The following SDK1 variants were observed in gnomAD, a reference collection of about 807,000 sequenced individuals.
SDK1 encodes sidekick cell adhesion molecule 1, also known as protein sidekick-1.
SDK1 carries 157 observed loss-of-function variants against 245.5 expected under a neutral mutation model. That is an observed-to-expected ratio of 0.64 (90% confidence interval 0.56 to 0.73). The LOEUF is 0.73. SDK1 is among the 30% of genes least tolerant of loss of function. The probability of loss-of-function intolerance (pLI) is 0.00; values close to 1 mark genes in which losing one functional copy is unlikely to be tolerated. For missense variants in SDK1, 3,583 were observed against 3,002.3 expected (o/e 1.19, Z -4.52); for synonymous variants, 1,647 against 1,278.5 (o/e 1.29, Z -6.15).
chr7:4,036,151 A>C (rs1284312526), intron 17 of SDK1, among the ~76,000 whole-genome samples: 1 of 152,226 alleles, frequency 6.6e-6, no homozygotes, highest in Non-Finnish European at 1.5e-5. Flanking sequence ...AGCTTCTGCC[A>C]AAGTAGGAGG....
intron 1 of SDK1, among the ~76,000 whole-genome samples, chr7:3,439,248 T>G (rs1388658954): frequency 6.6e-6 from 1 of 152,184 alleles, no homozygotes; most frequent in African/African-American, 2.4e-5. Flanking sequence ...TTTAGATAAA[T>G]AAACTCTTTT....
At chr7:3,486,240 T>G (rs1022420414) in intron 1 of SDK1, among the ~76,000 whole-genome samples, 7 of 151,016 alleles carry the variant, frequency 4.6e-5, no homozygotes, top group African/African-American at 1.7e-4. Context: ...GAGTTAAATT[T>G]TAAATCTTTA....
chr7:3,971,151 C>G (rs1323642148), intron 11 of SDK1, among the ~76,000 whole-genome samples: 1 of 152,020 alleles, frequency 6.6e-6, no homozygotes, highest in Non-Finnish European at 1.5e-5. Flanking sequence ...GGGAGAGAAT[C>G]TAGGTTTTAT....
intron 1 of SDK1, among the ~76,000 whole-genome samples, chr7:3,492,543 A>G (rs991557372): frequency 3.3e-5 from 5 of 152,240 alleles, no homozygotes; most frequent in Admixed American, 6.5e-5. Flanking sequence ...GATGTCAGTG[A>G]AATTGGGGGA....
Position 4,053,465 on chromosome 7 carries a change from A to G in SDK1, c.2911+1635A>G, listed in dbSNP as rs563248689. 4.6e-5 allele frequency among the ~76,000 whole-genome samples: 7 copies of G among 151,788 alleles called. No individual in the cohort carries two copies. The East Asian group carries it at 1.4e-3, about 30-fold the overall frequency. ...CTTCATGGCGCTATTACTTCTTCCA[A>G]TCTTTTTACTATTGGATCCTTTCCC... On this transcript the variant is annotated intron_variant, in intron 19 of 44. Coordinates refer to ENST00000404826, the MANE Select transcript of SDK1 (RefSeq NM_152744.4).
intron 4 of SDK1, among the ~76,000 whole-genome samples, chr7:3,687,692 G>A (rs991283893): frequency 3.3e-5 from 5 of 152,150 alleles, no homozygotes; most frequent in African/African-American, 1.2e-4. Context: ...GTGGAGAACA[G>A]ACTAGAAGTC....
At chr7:3,433,516 T>G (rs532179966) in intron 1 of SDK1, among the ~76,000 whole-genome samples, 6 of 152,098 alleles carry the variant, frequency 3.9e-5, no homozygotes, top group Non-Finnish European at 5.9e-5. Flanking sequence ...CATCTCCTCC[T>G]TTTTCTCTTT....
At chr7:3,748,391 C>A (rs1022173577) in intron 4 of SDK1, among the ~76,000 whole-genome samples, 8 of 152,172 alleles carry the variant, frequency 5.3e-5, no homozygotes, top group African/African-American at 1.9e-4. Flanking sequence ...TATCTTGGAA[C>A]ATTTCATTGA....
At chr7:3,776,689 A>C (rs943543451) in intron 4 of SDK1, among the ~76,000 whole-genome samples, 8 of 152,164 alleles carry the variant, frequency 5.3e-5, no homozygotes, top group Non-Finnish European at 1.2e-4. Context: ...TAGGAAAAAG[A>C]AAAGAAGATA....
At chr7:3,844,380 C>T (rs1780227073) in intron 5 of SDK1, among the ~76,000 whole-genome samples, 1 of 152,180 alleles carries the variant, frequency 6.6e-6, no homozygotes, top group Non-Finnish European at 1.5e-5. Context: ...GAATTGCTTA[C>T]ACAGACAGGT....
intron 28 of SDK1, among the ~76,000 whole-genome samples, chr7:4,138,947 T>G (rs1779277445): frequency 6.6e-6 from 1 of 152,204 alleles, no homozygotes; most frequent in Admixed American, 6.5e-5. Context: ...TTTCTGTGGC[T>G]GCCGGAGCCT....
At chr7:3,820,971 T>G (rs546509902) in intron 4 of SDK1, among the ~76,000 whole-genome samples, 49 of 152,240 alleles carry the variant, frequency 3.2e-4, no homozygotes, top group African/African-American at 7.2e-5. Context: ...TTGGCGACTT[T>G]CCTTCTACGC....
chr7:3,605,726 T>A (rs1270777016), intron 1 of SDK1, among the ~76,000 whole-genome samples: 1 of 152,242 alleles, frequency 6.6e-6, no homozygotes, highest in Non-Finnish European at 1.5e-5. Context: ...TTAAAATGTT[T>A]CAGAGTAAAA....
intron 4 of SDK1, among the ~76,000 whole-genome samples, chr7:3,805,745 G>A (rs1779225103): frequency 1.3e-5 from 2 of 151,928 alleles, no homozygotes; most frequent in African/African-American, 4.8e-5. Flanking sequence ...TTTGCTTGGT[G>A]GCCAAACCAA....
intron 4 of SDK1, among the ~76,000 whole-genome samples, chr7:3,796,458 G>A (rs61676577): frequency 0.073 from 11,039 of 152,212 alleles, 489 homozygotes; most frequent in African/African-American, 0.11. Flanking sequence ...CAAGGGCAGG[G>A]CGACCCCTGC....
At chr7:3,885,040 C>T (rs554473371) in intron 5 of SDK1, among the ~76,000 whole-genome samples, 8 of 152,256 alleles carry the variant, frequency 5.3e-5, no homozygotes, top group East Asian at 3.9e-4. Flanking sequence ...ACCCCCACCC[C>T]GCCCCATCTC....
At chr7:3,573,410 T>G (rs1456067995) in intron 1 of SDK1, among the ~76,000 whole-genome samples, 1 of 152,076 alleles carries the variant, frequency 6.6e-6, no homozygotes, top group Admixed American at 6.5e-5. Flanking sequence ...TGGGATGATT[T>G]ATCAGCAGAA....
chr7:3,734,274 C>G (rs1410228933), intron 4 of SDK1, among the ~76,000 whole-genome samples: 1 of 152,150 alleles, frequency 6.6e-6, no homozygotes, highest in African/African-American at 2.4e-5. Context: ...AATTGGTGTT[C>G]TGGAAGAAAT....
intron 1 of SDK1, among the ~76,000 whole-genome samples, chr7:3,327,794 C>T (rs768876630): frequency 2.1e-4 from 32 of 152,110 alleles, no homozygotes; most frequent in Non-Finnish European, 4.3e-4. Context: ...TGTTTGATTA[C>T]GGTATGCTTT....
Sources: allele counts gnomAD v4.1 joint callset (sites outside exome capture counted in the v4.1 genomes callset), GRCh38; gene constraint gnomAD v4.1.1; transcripts MANE v1.5; gene names NCBI Gene and HGNC (gene_info 2026-07-23, HGNC 2026-07-21).